The following COBL variants were observed in gnomAD, a reference collection of about 807,000 sequenced individuals.
The protein encoded by COBL is protein cordon-bleu.
A neutral mutation model predicts 98.8 loss-of-function variants in COBL; 51 were observed. The observed-to-expected ratio is 0.52, with a 90% CI of 0.41 to 0.65. The LOEUF (loss-of-function observed/expected upper bound fraction) is 0.65, where lower values mean the gene tolerates loss of function less well. COBL is among the 30% of genes least tolerant of loss of function. The pLI, the probability that COBL is intolerant of heterozygous loss-of-function variation, is 0.00. For synonymous variants in COBL, 634 were observed against 651.7 expected (o/e 0.97, Z 0.41); for missense variants, 1,617 against 1,617.5 (o/e 1.00, Z 0.01).
At chr7:51,232,324 CCTT>C in intron 1 of COBL, among the ~76,000 whole-genome samples, 1 of 112,774 alleles carries the variant, frequency 8.9e-6, no homozygotes, top group African/African-American at 3.7e-5. Context: ...TCAGTCTCTT[CCTT>C]TTGCCTTTTC....
At chr7:51,067,601 A>C (rs1295397) in intron 7 of COBL, among the ~76,000 whole-genome samples, 79,955 of 152,088 alleles carry the variant, frequency 0.53, 21,433 homozygotes, top group East Asian at 0.76. Flanking sequence ...ACTGTAACAG[A>C]GGATGGGGAG....
chr7:51,296,637 G>A (rs917082903), intron 1 of COBL, among the ~76,000 whole-genome samples: 6 of 152,078 alleles, frequency 3.9e-5, no homozygotes, highest in South Asian at 4.1e-4. Context: ...AGTATTTTAC[G>A]GAATAGTTTT....
intron 7 of COBL, among the ~76,000 whole-genome samples, chr7:51,044,302 A>G (rs1789487536): frequency 6.6e-6 from 1 of 152,180 alleles, no homozygotes; most frequent in Non-Finnish European, 1.5e-5. Context: ...AGATGCATAG[A>G]GTGGCAACTT....
At chr7:51,156,446 C>G (rs2129029234) in intron 5 of COBL, 1 of 985,118 alleles carries the variant, frequency 1.0e-6, no homozygotes, top group South Asian at 4.7e-5. Context: ...CAGGAATCAC[C>G]CAGCAGGAAG....
intron 1 of COBL, among the ~76,000 whole-genome samples, chr7:51,295,390 G>A (rs1801332060): frequency 6.6e-6 from 1 of 151,456 alleles, no homozygotes; most frequent in Admixed American, 6.6e-5. Context: ...ATGTATCCCA[G>A]AAATTAGGGC....
intron 1 of COBL, among the ~76,000 whole-genome samples, chr7:51,302,919 G>A (rs1056725764): frequency 6.6e-6 from 1 of 152,038 alleles, no homozygotes; most frequent in Non-Finnish European, 1.5e-5. Context: ...CAACCAAACG[G>A]CTGTGGTGAC....
chr7:51,095,004 T>C (rs1056776781), intron 6 of COBL, among the ~76,000 whole-genome samples: 1 of 152,144 alleles, frequency 6.6e-6, no homozygotes, highest in African/African-American at 2.4e-5. Context: ...CTACAAAAGA[T>C]GCACAGGAGA....
intron 6 of COBL, among the ~76,000 whole-genome samples, chr7:51,089,048 C>T (rs1794555624): frequency 6.6e-6 from 1 of 152,182 alleles, no homozygotes; most frequent in Admixed American, 6.5e-5. Context: ...TACTGTTTCA[C>T]ATGCAGGCAT....
At chr7:51,085,587 G>A (rs989554865) in intron 6 of COBL, among the ~76,000 whole-genome samples, 2 of 152,156 alleles carry the variant, frequency 1.3e-5, no homozygotes, top group African/African-American at 4.8e-5. Flanking sequence ...ATATTTTCTA[G>A]GGACTCCAGG....
chr7:51,263,663 G>A (rs1454482591), intron 1 of COBL, among the ~76,000 whole-genome samples: 1 of 152,132 alleles, frequency 6.6e-6, no homozygotes, highest in African/African-American at 2.4e-5. Context: ...AGGCGTGGCT[G>A]TCCAGCTCAC....
At chr7:51,042,418 G>A (rs1243145061) in intron 8 of COBL, among the ~76,000 whole-genome samples, 2 of 152,094 alleles carry the variant, frequency 1.3e-5, no homozygotes, top group Non-Finnish European at 2.9e-5. Context: ...GGAGTATAGT[G>A]GTACAATCTC....
intron 12 of COBL, among the ~76,000 whole-genome samples, chr7:51,019,625 G>C (rs1481416503): frequency 6.6e-6 from 1 of 152,166 alleles, no homozygotes; most frequent in Non-Finnish European, 1.5e-5. Flanking sequence ...GCTTCTCCCA[G>C]GAGGCTCCTC....
intron 10 of COBL, among the ~76,000 whole-genome samples, chr7:51,027,024 C>G (rs1013877872): frequency 6.6e-6 from 1 of 152,228 alleles, no homozygotes; most frequent in Admixed American, 6.5e-5. Context: ...CTCTTAATGG[C>G]AGACCACTCC....
intron 1 of COBL, among the ~76,000 whole-genome samples, chr7:51,267,781 C>T (rs1022368487): frequency 6.6e-6 from 1 of 152,028 alleles, no homozygotes; most frequent in Non-Finnish European, 1.5e-5. Context: ...ACCATGTTGC[C>T]CAGGCTGGTC....
intron 12 of COBL, among the ~76,000 whole-genome samples, chr7:51,023,851 G>A (rs1313728485): frequency 2.6e-5 from 4 of 152,208 alleles, no homozygotes. Context: ...CACTTCTTGT[G>A]CCCAAACTGA....
chr7:51,071,787 G>A (rs889124722), intron 7 of COBL: 1 of 151,664 alleles, frequency 6.6e-6, no homozygotes, highest in Non-Finnish European at 1.5e-5. Flanking sequence ...TTTAAGTCTG[G>A]GCCATAAATC....
intron 6 of COBL, among the ~76,000 whole-genome samples, chr7:51,108,089 G>GCTCACCCAGA (rs1796474277): frequency 1.3e-5 from 2 of 152,054 alleles, no homozygotes; most frequent in Non-Finnish European, 2.9e-5. Flanking sequence ...CAGATCCAGG[G>GCTCACCCAGA]CTCACCCAGA....
chr7:51,138,441 AGAG>A (rs935476643), intron 5 of COBL, among the ~76,000 whole-genome samples: 54 of 152,348 alleles, frequency 3.5e-4, no homozygotes, highest in African/African-American at 1.3e-3. Flanking sequence ...GAAGCAAACC[AGAG>A]AAGGGATTTT....
intron 7 of COBL, among the ~76,000 whole-genome samples, chr7:51,060,275 T>G (rs1164685989): frequency 6.6e-6 from 1 of 152,236 alleles, no homozygotes; most frequent in Admixed American, 6.5e-5. Context: ...TGCTTCTCCA[T>G]CAGTAGCTTA....
Sources: gnomAD v4.1 joint callset for allele counts (sites outside exome capture counted in the v4.1 genomes callset) on GRCh38, gnomAD v4.1.1 for gene constraint, MANE v1.5 for transcripts, NCBI Gene and HGNC (gene_info 2026-07-23, HGNC 2026-07-21) for gene names.